DYRK4: variants seen among roughly 807,000 people sequenced by gnomAD.
The protein encoded by DYRK4 is dual specificity tyrosine phosphorylation regulated kinase 4.
In DYRK4, 64 loss-of-function variants were observed where a neutral mutation model predicts 68.3. The ratio of observed to expected loss-of-function variants is 0.94; its 90% CI spans 0.77 to 1.15. The LOEUF is 1.15. Among genes scored for constraint, DYRK4 ranks in the 50% most tolerant of loss-of-function variants. DYRK4 has a pLI of 0.00. For synonymous variants in DYRK4, 274 were observed against 289.9 expected, an observed-to-expected ratio of 0.95 and a Z score of 0.56; for missense variants, 740 against 764.7, an observed-to-expected ratio of 0.97 and a Z score of 0.38.
chr12:4,600,924 G>A (rs1342428392), intron 10 of DYRK4, among the ~76,000 whole-genome samples: 2 of 151,924 alleles, frequency 1.3e-5, no homozygotes, highest in Admixed American at 6.6e-5. Context: ...AGTCTTTCTG[G>A]CAACCAGCCC....
chr12:4,575,322 T>TGTGTGTGTGTGTGTGTGTGTGTGTGTGTG (rs71061193), intron 2 of DYRK4, among the ~76,000 whole-genome samples: 2 of 151,728 alleles, frequency 1.3e-5, no homozygotes, highest in Non-Finnish European at 2.9e-5. Flanking sequence ...TGTGTGTGTG[T>TGTGTGTGTGTGTGTGTGTGTGTGTGTGTG]TTTCGAAACG....
intron 2 of DYRK4, among the ~76,000 whole-genome samples, chr12:4,582,848 G>A (rs911647209): frequency 1.3e-5 from 2 of 152,168 alleles, no homozygotes; most frequent in African/African-American, 4.8e-5. Context: ...AAGGGTTGAG[G>A]CTGGGGGCGC....
intron 2 of DYRK4, among the ~76,000 whole-genome samples, chr12:4,578,198 G>T (rs1294986414): frequency 3.3e-5 from 5 of 152,080 alleles, no homozygotes; most frequent in African/African-American, 4.8e-5. Flanking sequence ...TAGCCATTTT[G>T]TCATTATCTC....
chr12:4,581,956 T>C, intron 2 of DYRK4, among the ~76,000 whole-genome samples: 1 of 152,262 alleles, frequency 6.6e-6, no homozygotes, highest in East Asian at 1.9e-4. Context: ...AATTCATTTA[T>C]GTTGCATATA....
At chr12:4,572,244 T>G (rs1191819201) in intron 2 of DYRK4, among the ~76,000 whole-genome samples, 3 of 152,208 alleles carry the variant, frequency 2.0e-5, no homozygotes, top group Non-Finnish European at 2.9e-5. Context: ...CAGGGAAGTT[T>G]TAAAGACTAC....
rs1393433469 is a variant in DYRK4, at chr12:4,596,699, A to G, written c.875A>G (p.Asn292Ser). 1.8e-5 allele frequency: 29 copies of G among 1,614,190 alleles called. No individual in the cohort carries two copies. The highest frequency in any genetic ancestry group is 2.5e-5 in the Non-Finnish European group (29 of 1,180,034). The change falls in exon 8 of 15, where the codon AAT (asparagine) becomes AGT (serine). Residue 292 changes from asparagine to serine, a missense_variant. Coordinates refer to ENST00000543431, the MANE Select transcript of DYRK4 (RefSeq NM_001394779.1). ...VHMKDFFYFR[N>S]HFCITFELLG... ...ATGAAGGACTTTTTCTACTTTCGCA[A>G]TCACTTCTGCATCACCTTTGAGCTC...
intron 2 of DYRK4, among the ~76,000 whole-genome samples, chr12:4,587,124 T>C (rs10128984): frequency 0.88 from 134,351 of 152,232 alleles, 59,778 homozygotes; most frequent in African/African-American, 0.92. Flanking sequence ...ATACAAATTG[T>C]TAGTGGTTCA....
chr12:4,586,012 G>A (rs1460970622), intron 2 of DYRK4, among the ~76,000 whole-genome samples: 1 of 152,096 alleles, frequency 6.6e-6, no homozygotes, highest in East Asian at 1.9e-4. Context: ...TCAGGAGTTT[G>A]AGACCAGCCT....
chr12:4,597,572 G>A (rs113639568), intron 8 of DYRK4, among the ~76,000 whole-genome samples: 24 of 152,328 alleles, frequency 1.6e-4, no homozygotes, highest in African/African-American at 5.5e-4. Flanking sequence ...TGCCTTTCTT[G>A]GCCATGAATC....
At chr12:4,604,603 CTTAGTCTTATA>C (rs1388420891) in intron 10 of DYRK4, among the ~76,000 whole-genome samples, 1 of 152,196 alleles carries the variant, frequency 6.6e-6, no homozygotes, top group Admixed American at 6.5e-5. Context: ...AGTTTGAAAA[CTTAGTCTTATA>C]TTTGTCTTAT....
At chr12:4,593,223 G>A in intron 6 of DYRK4, 58 bp downstream of exon 6, 7 of 1,571,900 alleles carry the variant, frequency 4.5e-6, no homozygotes, top group Admixed American at 3.9e-5. Context: ...AGGTAGTCTA[G>A]AAAGGAAAAA....
At position 4,604,503 on chromosome 12, in the gene DYRK4, C is replaced by T. The variant is rs151019895; in HGVS notation, c.1127-411C>T. Among the ~76,000 whole-genome samples, 4 of 152,292 alleles carry T rather than the reference C, an allele frequency of 2.6e-5. No individual in the cohort carries two copies. The East Asian group carries it at 7.7e-4, about 29-fold the overall frequency. ...ATTGAATACAGACTTTGCATGCTCC[C>T]TTTCTAACTTGATATGCTCCCTTTC... On this transcript the variant is annotated intron_variant, in intron 10 of 14. Coordinates refer to ENST00000543431, the MANE Select transcript of DYRK4 (RefSeq NM_001394779.1).
chr12:4,590,327 C>A lies in DYRK4; in HGVS notation c.214-3C>A. Reference sequence around the variant, plus strand: ...GTAACACATGCAATTTCTCCTTCTACAGAACACCAGTGTTACTTCACTCCC... The same window carrying A: ...GTAACACATGCAATTTCTCCTTCTAAAGAACACCAGTGTTACTTCACTCCC... On this transcript the variant is annotated splice_polypyrimidine_tract_variant and splice_region_variant and intron_variant, in intron 3 of 14. Coordinates refer to ENST00000543431, the MANE Select transcript of DYRK4 (RefSeq NM_001394779.1). 6.5e-7 allele frequency: 1 copy of A among 1,532,428 alleles called. No individual in the cohort carries two copies. Among genetic ancestry groups the A allele is most frequent in the Non-Finnish European group, 8.7e-7 (1 of 1,145,536 alleles). 94.9% of individuals were successfully genotyped at this position (1,532,428 alleles called of 1,614,324 possible).
intron 2 of DYRK4, among the ~76,000 whole-genome samples, chr12:4,576,882 A>C (rs1184253708): frequency 1.3e-5 from 2 of 152,214 alleles, no homozygotes; most frequent in Non-Finnish European, 2.9e-5. Flanking sequence ...GAATTTTAAG[A>C]GTACTTTGTA....
intron 6 of DYRK4, among the ~76,000 whole-genome samples, chr12:4,593,576 C>G (rs763465530): frequency 6.6e-6 from 1 of 152,186 alleles, no homozygotes; most frequent in East Asian, 1.9e-4. Context: ...TCACTTCCCC[C>G]ACAGACAAAA....
At chr12:4,575,298 A>ATTGTGTGTGTGTGTGTGTGTGTGT (rs562026104) in intron 2 of DYRK4, among the ~76,000 whole-genome samples, 9,037 of 143,974 alleles carry the variant, frequency 0.063, 538 homozygotes, top group African/African-American at 0.14. Flanking sequence ...ACAATAACTT[A>ATTGTGTGTGTGTGTGTGTGTGTGT]CTGTGTGTGT....
At chr12:4,609,805 C>T (rs7972110) in intron 12 of DYRK4, 77 of 157,416 alleles carry the variant, frequency 4.9e-4, no homozygotes, top group African/African-American at 1.8e-3. Context: ...TGTCACTTAA[C>T]ATTTACTTTA....
chr12:4,586,428 ACTTT>A (rs1231484763), intron 2 of DYRK4, among the ~76,000 whole-genome samples: 4 of 152,154 alleles, frequency 2.6e-5, no homozygotes, highest in African/African-American at 9.7e-5. Context: ...ATGAAAGCTC[ACTTT>A]CTTCAAAAAA....
At chr12:4,587,204 C>G (rs980696463) in intron 2 of DYRK4, among the ~76,000 whole-genome samples, 1 of 152,168 alleles carries the variant, frequency 6.6e-6, no homozygotes, top group African/African-American at 2.4e-5. Flanking sequence ...GGTCAACCCC[C>G]TGTTCCTGCT....
Sources: gnomAD v4.1 joint callset for allele counts (sites outside exome capture counted in the v4.1 genomes callset) on GRCh38, gnomAD v4.1.1 for gene constraint, MANE v1.5 for transcripts, NCBI Gene and HGNC (gene_info 2026-07-23, HGNC 2026-07-21) for gene names.